STX16: variants seen among roughly 807,000 people sequenced by gnomAD.
STX16 encodes the protein syntaxin-16.
STX16 carries 28 observed loss-of-function variants against 42.7 expected under a neutral mutation model. That is an observed-to-expected ratio of 0.66 (90% CI 0.49 to 0.90). The LOEUF (loss-of-function observed/expected upper bound fraction) is 0.90. Among genes scored for constraint, STX16 ranks in the 40% least tolerant of loss-of-function variants. The pLI is 0.00. For synonymous variants in STX16, 156 were observed against 155.2 expected, an observed-to-expected ratio of 1.00 and a Z score of -0.04; for missense variants, 361 against 420.9, an observed-to-expected ratio of 0.86 and a Z score of 1.24.
chr20:58,655,858 TCTA>T (rs924519117), intron 1 of STX16, among the ~76,000 whole-genome samples: 4 of 152,214 alleles, frequency 2.6e-5, no homozygotes, highest in African/African-American at 9.7e-5. Flanking sequence ...TGAGCAAAAT[TCTA>T]CTTTTTTGTG....
rs537266431 is a variant in STX16 at position 58,654,968 on chromosome 20, TTAAAG to T, written c.132+2834_132+2838del. ...TGTTTGAAAATTTTTAAATAGAAAC[TTAAAG>T]TAAGTATATTTGTTATAGTAAAGTA... is the stretch of plus-strand genomic sequence containing the variant. On this transcript the variant is annotated intron_variant, in intron 1 of 8. Coordinates refer to ENST00000371141, the MANE Select transcript of STX16 (RefSeq NM_001001433.3). 4.5e-4 allele frequency among the ~76,000 whole-genome samples: 68 copies of T among 152,258 alleles called. 1 individual carries two copies. In the South Asian group the frequency reaches 6.2e-3, roughly 14 times the overall value.
intron 5 of STX16, among the ~76,000 whole-genome samples, chr20:58,670,039 TC>T (rs2083931934): frequency 6.6e-6 from 1 of 152,172 alleles, no homozygotes; most frequent in Admixed American, 6.5e-5. Context: ...ATCAATAAAG[TC>T]CCCACATACT....
intron 1 of STX16, among the ~76,000 whole-genome samples, chr20:58,652,748 G>A (rs1220801560): frequency 6.6e-6 from 1 of 152,058 alleles, no homozygotes; most frequent in Admixed American, 6.5e-5. Flanking sequence ...GAGACTCAAG[G>A]TGCTAGCCTC....
At position 58,676,259 on chromosome 20, in the gene STX16, ATTG is replaced by A. The variant is rs754699506; in HGVS notation, c.951_953del (p.Val318del). ...ATTATTTGTCATCATCATTGTGCTCATTGTTGTCCTCGTTGGCGTGAAGTCTCG... is the reference window on the plus strand; with the variant it reads ...ATTATTTGTCATCATCATTGTGCTCATTGTCCTCGTTGGCGTGAAGTCTCG... On this transcript the variant is annotated inframe_deletion, in exon 9 of 9. Transcript: ENST00000371141. 8 of 1,614,096 alleles carry A rather than the reference ATTG, an allele frequency of 5.0e-6. No homozygotes were observed. Among genetic ancestry groups the A allele is most frequent in the African/African-American group, 1.3e-5 (1 of 75,034 alleles).
chr20:58,670,255 T>G (rs958632659), intron 5 of STX16, among the ~76,000 whole-genome samples: 2 of 152,256 alleles, frequency 1.3e-5, no homozygotes, highest in Non-Finnish European at 2.9e-5. Context: ...TGTGTCATTT[T>G]TATCTTGGCA....
chr20:58,676,061 T>C (rs1473189980), intron 8 of STX16, 126 bp from the exon 9 acceptor site: 11 of 722,618 alleles, frequency 1.5e-5, no homozygotes, highest in African/African-American at 8.8e-5. Flanking sequence ...ATTACAATCA[T>C]GTAGCCTGTA....
chr20:58,655,693 G>A (rs2083570156), intron 1 of STX16, among the ~76,000 whole-genome samples: 1 of 152,116 alleles, frequency 6.6e-6, no homozygotes, highest in Admixed American at 6.5e-5. Context: ...TTTTAGTTCT[G>A]TTCCTTCGGG....
chr20:58,660,938 T>TAA (rs1454517893), intron 2 of STX16, among the ~76,000 whole-genome samples: 42 of 142,436 alleles, frequency 2.9e-4, no homozygotes, highest in Non-Finnish European at 6.2e-4. Context: ...AACAATTAGT[T>TAA]AAAAAAAAAA....
rs754589828 is a variant in STX16, at chr20:58,666,554, G to A, written c.145-936G>A. Among the ~76,000 whole-genome samples, 47 of 151,338 alleles carry A rather than the reference G, an allele frequency of 3.1e-4. 2 individuals carry two copies. The highest frequency in any genetic ancestry group is 2.0e-4 in the East Asian group (1 of 5,116). ...AGGGATTCTCCTGCCTCAGCCTCCC[G>A]AGTAGCTGGGATTACAGGCATAAGC... On this transcript the variant is annotated intron_variant, in intron 2 of 8. Coordinates refer to ENST00000371141, the MANE Select transcript of STX16 (RefSeq NM_001001433.3).
At chr20:58,667,887 A>C in intron 3 of STX16, 100 bp from the exon 4 acceptor site, 1 of 1,490,904 alleles carries the variant, frequency 6.7e-7, no homozygotes, top group Non-Finnish European at 9.1e-7. Flanking sequence ...GCAAGCCAAC[A>C]AGTTTGCTGA....
intron 7 of STX16, 124 bp downstream of exon 7, chr20:58,671,421 C>G: frequency 1.6e-6 from 1 of 636,468 alleles, no homozygotes; most frequent in Non-Finnish European, 2.5e-6. Flanking sequence ...GTGCACCTGT[C>G]CTTTATGTGT....
chr20:58,658,548 A>G (rs892247138), intron 1 of STX16, among the ~76,000 whole-genome samples: 1 of 152,180 alleles, frequency 6.6e-6, no homozygotes, highest in African/African-American at 2.4e-5. Flanking sequence ...TCATTGTTTA[A>G]TAATATTTTG....
chr20:58,670,027 C>G (rs1184195578), intron 5 of STX16, among the ~76,000 whole-genome samples: 1 of 152,198 alleles, frequency 6.6e-6, no homozygotes, highest in East Asian at 1.9e-4. Context: ...ATTGCCCTTG[C>G]AATCAATAAA....
Position 58,660,070 on chromosome 20 carries a change from C to T in STX16, c.144+436C>T, listed in dbSNP as rs113778478. Among the ~76,000 whole-genome samples the T allele has an allele frequency of 1.1e-4, 17 of 152,288 alleles. 2 individuals are homozygous for T. Among genetic ancestry groups the T allele is most frequent in the African/African-American group, 3.9e-4 (16 of 41,558 alleles). On this transcript the variant is annotated intron_variant, in intron 2 of 8. Coordinates refer to ENST00000371141, the MANE Select transcript of STX16 (RefSeq NM_001001433.3). ...GCCACGGCAACTGTGGGAGGGTCTT[C>T]CTTGTCACTCCTGTCTGGAATGAGA...
rs1568827800 is a variant in STX16 at position 58,671,464 on chromosome 20, GTGTGTGTGTA to G, written c.792+169_792+178del. ...TGTGTGTGTGTGTGTGTGTGTGTGTGTGTGTGTGTATATTAATATTAATCAAATATTAAAT... is the reference window on the plus strand; with the variant it reads ...TGTGTGTGTGTGTGTGTGTGTGTGTGTATTAATATTAATCAAATATTAAAT... On this transcript the variant is annotated intron_variant, in intron 7 of 8. Coordinates refer to ENST00000371141, the MANE Select transcript of STX16 (RefSeq NM_001001433.3). 4.5e-3 allele frequency among the ~76,000 whole-genome samples: 529 copies of G among 116,938 alleles called. 4 individuals carry two copies. The highest frequency in any genetic ancestry group is 0.017 in the African/African-American group (496 of 29,108). 76.7% of individuals were successfully genotyped at this position (116,938 alleles called of 152,430 possible).
chr20:58,652,134 C>T lies in STX16; in HGVS notation c.128C>T (p.Ala43Val). 6.2e-7 allele frequency: 1 copy of T among 1,613,906 alleles called. No individual in the cohort carries two copies. The highest frequency in any genetic ancestry group is 8.5e-7 in the Non-Finnish European group (1 of 1,179,992). Residue 43 changes from alanine to valine, a missense_variant, in exon 1 of 9, where the codon GCT (alanine) becomes GTT (valine). Physicochemically the swap from Ala to Val is moderately conservative, Grantham distance 64 (BLOSUM62 0). Coordinates refer to ENST00000371141, the MANE Select transcript of STX16 (RefSeq NM_001001433.3). The stretch of plus-strand genomic sequence containing the variant: ...AGCCCTCTGCATTCACGTAGCATTG[C>T]TGCGGTGAGTCTCCTGGCGGCCTCT... ...TSSPLHSRSIAAELDELADDR... is the reference protein window; with the variant it reads ...TSSPLHSRSIVAELDELADDR...
At chr20:58,668,250 C>T in intron 4 of STX16, 123 bp downstream of exon 4, 1 of 1,271,886 alleles carries the variant, frequency 7.9e-7, no homozygotes, top group South Asian at 1.5e-5. Context: ...CTCAGAGGGA[C>T]CTCAAGAGGC....
chr20:58,669,359 G>GGGGC lies in STX16; in HGVS notation c.465_468dup (p.Leu157AlafsTer52). On this transcript the variant is annotated frameshift_variant, in exon 5 of 9. Coordinates refer to ENST00000371141, the MANE Select transcript of STX16 (RefSeq NM_001001433.3). LOFTEE classifies it high-confidence loss of function. ...GGGCCCGGGCCTGCTCCGAGCAGGAGGGGCGGCTGCTTGGGAACGTGGTGG... is the reference window on the plus strand; with the variant it reads ...GGGCCCGGGCCTGCTCCGAGCAGGAGGGGCGGGCGGCTGCTTGGGAACGTGGTGG... The GGGGC allele has an allele frequency of 6.2e-7, 1 of 1,611,964 alleles. No homozygotes were observed. Among genetic ancestry groups the GGGGC allele is most frequent in the Non-Finnish European group, 8.5e-7 (1 of 1,179,180 alleles).
At chr20:58,655,734 T>G (rs1003530482) in intron 1 of STX16, among the ~76,000 whole-genome samples, 13 of 152,310 alleles carry the variant, frequency 8.5e-5, no homozygotes, top group African/African-American at 3.1e-4. Flanking sequence ...CCTGCAGCCT[T>G]GTTACCCAGA....
Sources: gnomAD v4.1 joint callset for allele counts (sites outside exome capture counted in the v4.1 genomes callset) on GRCh38, gnomAD v4.1.1 for gene constraint, MANE v1.5 for transcripts, NCBI Gene and HGNC (gene_info 2026-07-23, HGNC 2026-07-21) for gene names.